The following ATPAF2 variants were observed in gnomAD, a reference collection of about 807,000 sequenced individuals.
The protein encoded by ATPAF2 is ATP synthase mitochondrial F1 complex assembly factor 2.
A neutral mutation model predicts 36.6 loss-of-function variants in ATPAF2; 30 were observed. The observed-to-expected ratio is 0.82, with a 90% CI of 0.61 to 1.11. The LOEUF is 1.11. Ranked by LOEUF, ATPAF2 falls within the 50% of genes most tolerant of loss-of-function variation. The probability of loss-of-function intolerance (pLI) is 0.00; values close to 1 mark genes in which losing one functional copy is unlikely to be tolerated. For synonymous variants in ATPAF2, 140 were observed against 152.6 expected (o/e 0.92, Z 0.61); for missense variants, 321 against 372.3 (o/e 0.86, Z 1.13).
At chr17:18,035,650 A>G (rs550393382) in intron 1 of ATPAF2, among the ~76,000 whole-genome samples, 37 of 152,376 alleles carry the variant, frequency 2.4e-4, no homozygotes, top group African/African-American at 8.4e-4. Flanking sequence ...AAGCCATACA[A>G]TATCTGTTCC....
chr17:18,037,474 C>T (rs1238146556), intron 1 of ATPAF2, among the ~76,000 whole-genome samples: 1 of 152,122 alleles, frequency 6.6e-6, no homozygotes, highest in African/African-American at 2.4e-5. Context: ...GTCCCACCTA[C>T]TTGGGAGGCT....
intron 1 of ATPAF2, among the ~76,000 whole-genome samples, chr17:18,033,918 A>G (rs2044670845): frequency 6.6e-6 from 1 of 151,922 alleles, no homozygotes; most frequent in South Asian, 2.1e-4. Flanking sequence ...CCAAGAGTTC[A>G]AGACCAGCCT....
chr17:18,019,140 A>C (rs1328859741), intron 7 of ATPAF2, among the ~76,000 whole-genome samples: 1 of 103,396 alleles, frequency 9.7e-6, no homozygotes, highest in East Asian at 3.7e-4. Context: ...ACCCTGTCTC[A>C]AAAACACCAC....
chr17:18,018,500 A>G lies in ATPAF2; in HGVS notation c.*49T>C, dbSNP rs2044416928. The G allele has an allele frequency of 1.2e-6, 2 of 1,608,308 alleles. No individual in the cohort carries two copies. The highest frequency in any genetic ancestry group is 1.7e-6 in the Non-Finnish European group (2 of 1,179,750). On this transcript the variant is annotated 3_prime_UTR_variant, in exon 8 of 8. Coordinates refer to ENST00000474627, the MANE Select transcript of ATPAF2 (RefSeq NM_145691.4). ...GCTGGGGAGCCCTGAAGGCCGGGGG[A>G]GCTGTGGCTGCACTGCCTCTATCCT...
intron 3 of ATPAF2, among the ~76,000 whole-genome samples, chr17:18,027,388 C>T (rs1222793729): frequency 6.6e-6 from 1 of 152,132 alleles, no homozygotes; most frequent in Non-Finnish European, 1.5e-5. Flanking sequence ...CCTGGGTTTG[C>T]AAAGGTTGAG....
intron 1 of ATPAF2, among the ~76,000 whole-genome samples, 159 bp from the exon 2 acceptor site, chr17:18,028,818 C>T (rs150626509): frequency 6.6e-6 from 1 of 152,292 alleles, no homozygotes; most frequent in East Asian, 1.9e-4. Flanking sequence ...TATAATCAAC[C>T]GCTTCTGATT....
Position 18,039,133 on chromosome 17 carries a change from C to A in ATPAF2, c.-120G>T. ...GAAACCTCTCAACGCCTCCTCAGAG[C>A]CCTCAACCTCCCTTGGACGCCGCCA... is the stretch of plus-strand genomic sequence containing the variant. On this transcript the variant is annotated 5_prime_UTR_variant, in exon 1 of 8. Coordinates refer to ENST00000474627, the MANE Select transcript of ATPAF2 (RefSeq NM_145691.4). This position sits in a 1 kb window ranked among gnomAD's most constrained non-coding sequence, Gnocchi z 5.3. 1 of 1,375,264 alleles carries A rather than the reference C, an allele frequency of 7.3e-7. No homozygotes were observed. The highest frequency in any genetic ancestry group is 1.0e-6 in the Non-Finnish European group (1 of 1,001,026). The allele number at this position is 1,375,264 out of a possible 1,614,324, so 85.2% of individuals were successfully genotyped here.
Position 18,021,748 on chromosome 17 carries a change from G to GT in ATPAF2, c.612dup (p.Gln205ThrfsTer4). ...CCACAAGAAACTCCATACATGCCTT[G>GT]TAAAGCCCATGTGTTGTAAGATGCC... is the stretch of plus-strand genomic sequence containing the variant. On this transcript the variant is annotated frameshift_variant, in exon 6 of 8. Transcript: ENST00000474627. LOFTEE classifies it high-confidence loss of function. The GT allele has an allele frequency of 3.1e-6, 5 of 1,613,642 alleles. No individual in the cohort carries two copies. Among genetic ancestry groups the GT allele is most frequent in the Non-Finnish European group, 4.2e-6 (5 of 1,179,722 alleles).
In ATPAF2 at chr17:18,024,645, A is replaced by G; in HGVS notation, c.482T>C (p.Ile161Thr). 6.2e-7 allele frequency: 1 copy of G among 1,614,004 alleles called. No homozygotes were observed. Among genetic ancestry groups the G allele is most frequent in the East Asian group, 2.2e-5 (1 of 44,882 alleles). The change falls in exon 5 of 8, where the codon ATC becomes ACC. Residue 161 changes from isoleucine (I) to threonine (T), a missense_variant. By Grantham distance (89) the Ile-to-Thr change is moderately conservative (BLOSUM62 -1). Around this residue, in one of 3 missense-constraint regions of ATPAF2, gnomAD observed 199 missense variants for 220.6 expected, o/e 0.90. Transcript: ENST00000474627. Reference sequence around the variant, plus strand: ...TTACCTTTTCTCAGCCCATTCGATGATTGGATCCCACTCATTCCTTTGAAG... The same window carrying G: ...TTACCTTTTCTCAGCCCATTCGATGGTTGGATCCCACTCATTCCTTTGAAG... ...VELQRNEWDPIIEWAEKRYGV... is the reference protein window; with the variant it reads ...VELQRNEWDPTIEWAEKRYGV...
At chr17:18,021,959 G>A (rs2044476311) in intron 5 of ATPAF2, 102 bp from the exon 6 acceptor site, 2 of 1,023,136 alleles carry the variant, frequency 2.0e-6, no homozygotes, top group East Asian at 2.5e-5. Flanking sequence ...GCATGTGTGT[G>A]CATTGGCCAA....
downstream of ATPAF2, among the ~76,000 whole-genome samples, chr17:18,017,845 C>T (rs918360662): frequency 2.6e-5 from 4 of 152,208 alleles, no homozygotes; most frequent in African/African-American, 4.8e-5. Context: ...GTGGCTATGT[C>T]AGGAGGACCC....
chr17:18,018,979 G>T (rs2044426292), intron 7 of ATPAF2, among the ~76,000 whole-genome samples: 1 of 152,044 alleles, frequency 6.6e-6, no homozygotes, highest in Non-Finnish European at 1.5e-5. Context: ...TCTACAAAAA[G>T]GTTTAAAAAT....
At chr17:18,023,165 C>T (rs139894854) in intron 5 of ATPAF2, among the ~76,000 whole-genome samples, 3,460 of 143,380 alleles carry the variant, frequency 0.024, 116 homozygotes, top group African/African-American at 0.076. Flanking sequence ...GGTGCAGTGG[C>T]TCACACCTAT....
At chr17:18,017,356 G>GC (rs1248375654), downstream of ATPAF2, among the ~76,000 whole-genome samples, 1 of 152,186 alleles carries the variant, frequency 6.6e-6, no homozygotes. Context: ...CCCCTGCCAT[G>GC]CCTAGGCAGG....
At chr17:18,035,774 C>G (rs919772834) in intron 1 of ATPAF2, among the ~76,000 whole-genome samples, 3 of 152,222 alleles carry the variant, frequency 2.0e-5, no homozygotes, top group African/African-American at 7.2e-5. Context: ...AGGCTGGACC[C>G]TGATCTACAG....
At chr17:18,032,566 C>T (rs907508418) in intron 1 of ATPAF2, among the ~76,000 whole-genome samples, 2 of 152,216 alleles carry the variant, frequency 1.3e-5, no homozygotes, top group Non-Finnish European at 2.9e-5. Context: ...TCCTGAATGA[C>T]CCACTGACAC....
At chr17:18,028,036 A>G in intron 3 of ATPAF2, 196 bp downstream of exon 3, 1 of 674,006 alleles carries the variant, frequency 1.5e-6, no homozygotes, top group African/African-American at 1.8e-5. Flanking sequence ...CAGTGTTCCT[A>G]GGAGAGAGAG....
chr17:18,024,640 CG>C lies in ATPAF2; in HGVS notation c.486del (p.Ile162MetfsTer18), dbSNP rs1568570513. On this transcript the variant is annotated frameshift_variant, in exon 5 of 8. Coordinates refer to ENST00000474627, the MANE Select transcript of ATPAF2 (RefSeq NM_145691.4). LOFTEE classifies it high-confidence loss of function. ...ELQRNEWDPI[I>X]EWAEKRYGVE... is the part of the protein sequence containing the mutation. ...ACATCTTACCTTTTCTCAGCCCATTCGATGATTGGATCCCACTCATTCCTTT... is the reference window on the plus strand; with the variant it reads ...ACATCTTACCTTTTCTCAGCCCATTCATGATTGGATCCCACTCATTCCTTT... 3.7e-6 allele frequency: 6 copies of C among 1,613,944 alleles called. No homozygotes were observed. The highest frequency in any genetic ancestry group is 5.1e-6 in the Non-Finnish European group (6 of 1,179,916).
intron 1 of ATPAF2, among the ~76,000 whole-genome samples, chr17:18,030,320 C>CA (rs1162130285): frequency 0.014 from 881 of 63,666 alleles, 3 homozygotes; most frequent in Non-Finnish European, 0.019. Flanking sequence ...GACTCCATCT[C>CA]AAAAAAAAAA....
Sources: allele counts gnomAD v4.1 joint callset (sites outside exome capture counted in the v4.1 genomes callset), GRCh38; gene constraint gnomAD v4.1.1; regional missense constraint gnomAD v4.1.1; non-coding constraint Gnocchi (gnomAD v3.1); transcripts MANE v1.5; gene names NCBI Gene and HGNC (gene_info 2026-07-23, HGNC 2026-07-21).